Variants in ACTR2 observed in about 807,000 individuals in gnomAD.
ACTR2 encodes the protein actin related protein 2.
ACTR2 carries 5 observed loss-of-function variants against 50.2 expected under a neutral mutation model. That is an observed-to-expected ratio of 0.10 (90% CI 0.05 to 0.21). ACTR2 has a LOEUF of 0.21. Among genes scored for constraint, ACTR2 ranks in the 10% least tolerant of loss-of-function variants. The probability of loss-of-function intolerance (pLI) is 1.00; values close to 1 mark genes in which losing one functional copy is unlikely to be tolerated. For missense variants in ACTR2, 180 were observed against 480.6 expected (o/e 0.37, Z 5.85); for synonymous variants, 140 against 162.9 (o/e 0.86, Z 1.07).
In ACTR2 at chr2:65,268,465, T is replaced by TG. The variant is rs1417301029; in HGVS notation, c.1015-98dup. ...CGTTCTACTTATATTACAGGACTGTTGCAAGTTTGAGGGAGAGCATATATT... is the reference window on the plus strand; with the variant it reads ...CGTTCTACTTATATTACAGGACTGTTGGCAAGTTTGAGGGAGAGCATATATT... On this transcript the variant is annotated intron_variant, in intron 8 of 8. Coordinates refer to ENST00000260641, the MANE Select transcript of ACTR2 (RefSeq NM_005722.4). 8.5e-6 allele frequency: 9 copies of TG among 1,056,792 alleles called. No individual in the cohort carries two copies. The African/African-American group carries it at 1.5e-4, about 17-fold the overall frequency. 65.5% of individuals were successfully genotyped at this position (1,056,792 alleles called of 1,614,324 possible).
chr2:65,232,816 T>C (rs976796983), intron 1 of ACTR2, among the ~76,000 whole-genome samples: 1 of 152,188 alleles, frequency 6.6e-6, no homozygotes, highest in African/African-American at 2.4e-5. Flanking sequence ...AAGAGGAAAC[T>C]ATATATGGTA....
intron 1 of ACTR2, among the ~76,000 whole-genome samples, chr2:65,231,794 T>C (rs1012856009): frequency 9.9e-5 from 15 of 152,204 alleles, no homozygotes; most frequent in Non-Finnish European, 1.5e-4. Flanking sequence ...CTGGGCCACA[T>C]TGGAAGAGGA....
intron 4 of ACTR2, among the ~76,000 whole-genome samples, chr2:65,253,464 A>G (rs268872): frequency 6.6e-6 from 1 of 151,912 alleles, no homozygotes; most frequent in Non-Finnish European, 1.5e-5. Flanking sequence ...AAAGGAAAAA[A>G]AAGTCCTGTT....
intron 1 of ACTR2, among the ~76,000 whole-genome samples, chr2:65,229,338 A>G (rs925553577): frequency 6.6e-6 from 1 of 152,200 alleles, no homozygotes; most frequent in African/African-American, 2.4e-5. Flanking sequence ...TTGAGGGGGA[A>G]AAGAGCTGGT....
In ACTR2 at chr2:65,246,164, G is replaced by A. The variant is rs148403000; in HGVS notation, c.160-360G>A. 563 of 163,190 alleles carry A rather than the reference G, an allele frequency of 3.4e-3. 1 individual carries two copies. The highest frequency in any genetic ancestry group is 0.013 in the African/African-American group (529 of 41,758). The allele number at this position is 163,190 out of a possible 1,614,324, so 10.1% of individuals were successfully genotyped here. ...TTCTACAAGTTTTTTTCCCCCTGAT[G>A]TGCTATTTCACATATCACAGGCCTT... On this transcript the variant is annotated intron_variant, in intron 2 of 8. Transcript: ENST00000260641.
At chr2:65,253,494 G>T (rs1672091677) in intron 4 of ACTR2, among the ~76,000 whole-genome samples, 1 of 151,570 alleles carries the variant, frequency 6.6e-6, no homozygotes, top group African/African-American at 2.4e-5. Flanking sequence ...TCAGTCTCAG[G>T]GTCTGTTTCT....
intron 7 of ACTR2, among the ~76,000 whole-genome samples, chr2:65,263,088 T>C (rs1672304207): frequency 6.6e-6 from 1 of 151,692 alleles, no homozygotes; most frequent in Admixed American, 6.6e-5. Flanking sequence ...GTCGCCAGGC[T>C]GGAGTGCAGT....
intron 6 of ACTR2, among the ~76,000 whole-genome samples, chr2:65,257,331 T>G (rs1672169334): frequency 1.3e-5 from 2 of 152,236 alleles, no homozygotes. Flanking sequence ...TGCCACATTT[T>G]CTTTATCCAG....
At chr2:65,230,311 T>A (rs955353418) in intron 1 of ACTR2, among the ~76,000 whole-genome samples, 1 of 152,112 alleles carries the variant, frequency 6.6e-6, no homozygotes. Flanking sequence ...TTTTAATGAA[T>A]TCTTTTAGGG....
rs201446954 is a variant in ACTR2 at position 65,234,111 on chromosome 2, CTG to C, written c.49-5739_49-5738del. Among the ~76,000 whole-genome samples the C allele has an allele frequency of 5.7e-3, 873 of 152,148 alleles. 36 individuals carry two copies. The highest frequency in any genetic ancestry group is 0.053 in the Admixed American group (802 of 15,272). The stretch of plus-strand genomic sequence containing the variant: ...TTTTTTGTAGAAATGGGGTTTTGCT[CTG>C]TAGCTTCAGGCTGGTCTCGAACTCC... On this transcript the variant is annotated intron_variant, in intron 1 of 8. Transcript: ENST00000260641.
chr2:65,256,308 T>C (rs548494095), intron 6 of ACTR2, among the ~76,000 whole-genome samples: 46 of 152,346 alleles, frequency 3.0e-4, no homozygotes, highest in African/African-American at 8.4e-4. Context: ...AAATGTTAAC[T>C]TGAAATTGTA....
At chr2:65,251,153 T>C (rs112303948) in intron 4 of ACTR2, 54 bp downstream of exon 4, 1 of 1,305,476 alleles carries the variant, frequency 7.7e-7, no homozygotes, top group Non-Finnish European at 1.1e-6. Flanking sequence ...TTATTATGTA[T>C]GTTTTATGTC....
chr2:65,236,687 T>G (rs1413988184), intron 1 of ACTR2, among the ~76,000 whole-genome samples: 1 of 152,068 alleles, frequency 6.6e-6, no homozygotes, highest in Non-Finnish European at 1.5e-5. Context: ...TTCAAGTGAT[T>G]CTCATACCTC....
Position 65,234,883 on chromosome 2 carries a change from A to G in ACTR2, c.49-4969A>G, listed in dbSNP as rs546066199. ...ATAATTTATACGCATATAAGTGAGC[A>G]TTTTCATCCGGATAAATGGATACTT... On this transcript the variant is annotated intron_variant, in intron 1 of 8. Coordinates refer to ENST00000260641, the MANE Select transcript of ACTR2 (RefSeq NM_005722.4). Among the ~76,000 whole-genome samples, 3 of 152,292 alleles carry G rather than the reference A, an allele frequency of 2.0e-5. No homozygotes were observed. The East Asian group carries it at 5.8e-4, about 29-fold the overall frequency.
intron 1 of ACTR2, among the ~76,000 whole-genome samples, chr2:65,230,492 A>G (rs993860573): frequency 6.8e-6 from 1 of 146,212 alleles, no homozygotes; most frequent in Non-Finnish European, 1.5e-5. Flanking sequence ...GCTCTCTGCA[A>G]CCTCTGCCTC....
intron 1 of ACTR2, among the ~76,000 whole-genome samples, chr2:65,235,322 T>C (rs1009212240): frequency 1.3e-5 from 2 of 152,200 alleles, no homozygotes; most frequent in African/African-American, 4.8e-5. Flanking sequence ...AAAAATGAAC[T>C]ACTACTCCTG....
chr2:65,236,466 T>C (rs745772054), intron 1 of ACTR2, among the ~76,000 whole-genome samples: 2 of 152,090 alleles, frequency 1.3e-5, no homozygotes, highest in Non-Finnish European at 2.9e-5. Context: ...CAAATTTTTA[T>C]GTTTTGGAGA....
At chr2:65,235,651 A>C (rs906215692) in intron 1 of ACTR2, among the ~76,000 whole-genome samples, 1 of 152,176 alleles carries the variant, frequency 6.6e-6, no homozygotes, top group African/African-American at 2.4e-5. Context: ...TCTACTCAGG[A>C]GGCTGAGGCA....
intron 3 of ACTR2, among the ~76,000 whole-genome samples, chr2:65,249,066 T>C (rs760157912): frequency 6.6e-6 from 1 of 152,030 alleles, no homozygotes; most frequent in Non-Finnish European, 1.5e-5. Flanking sequence ...AAATAAGCAG[T>C]TACAGAGGAA....
Sources: gnomAD v4.1 joint callset for allele counts (sites outside exome capture counted in the v4.1 genomes callset) on GRCh38, gnomAD v4.1.1 for gene constraint, MANE v1.5 for transcripts, NCBI Gene and HGNC (gene_info 2026-07-23, HGNC 2026-07-21) for gene names.